The following PXT1 variants were observed in gnomAD, a reference collection of about 807,000 sequenced individuals.
PXT1 encodes peroxisomal testis enriched protein 1, also known as peroxisomal testis-specific protein 1.
PXT1 carries 11 observed loss-of-function variants against 11.0 expected under a neutral mutation model. That is an observed-to-expected ratio of 1.00 (90% CI 0.63 to 1.66). PXT1 has a LOEUF of 1.66. PXT1 is among the 40% of genes most tolerant of loss of function. The probability of loss-of-function intolerance (pLI) is 0.00; values close to 1 mark genes in which losing one functional copy is unlikely to be tolerated. For synonymous variants in PXT1, 43 were observed against 51.4 expected, an observed-to-expected ratio of 0.84 and a Z score of 0.70; for missense variants, 141 against 155.5, an observed-to-expected ratio of 0.91 and a Z score of 0.49.
At chr6:36,394,979 A>T (rs1006132058) in intron 4 of PXT1, among the ~76,000 whole-genome samples, 2 of 151,912 alleles carry the variant, frequency 1.3e-5, no homozygotes, top group Non-Finnish European at 2.9e-5. Context: ...TTTTTTAAAA[A>T]TTGTTTTGTA....
At chr6:36,413,735 G>A (rs1004856897) in intron 3 of PXT1, among the ~76,000 whole-genome samples, 5 of 152,210 alleles carry the variant, frequency 3.3e-5, no homozygotes, top group Non-Finnish European at 7.3e-5. Context: ...AGTGGCTCAC[G>A]CCTGTAATCC....
chr6:36,405,536 G>A (rs186218758), intron 3 of PXT1, among the ~76,000 whole-genome samples: 13 of 152,212 alleles, frequency 8.5e-5, no homozygotes, highest in Admixed American at 5.2e-4. Flanking sequence ...GTGCCACCAC[G>A]CCTGGCTTTT....
At chr6:36,441,457 G>A (rs1561937142) in intron 1 of PXT1, among the ~76,000 whole-genome samples, 2 of 152,180 alleles carry the variant, frequency 1.3e-5, no homozygotes, top group Non-Finnish European at 2.9e-5. Context: ...CTGGTGACTA[G>A]TTCAGGACAG....
intron 4 of PXT1, among the ~76,000 whole-genome samples, chr6:36,395,737 C>T (rs7765868): frequency 0.49 from 73,798 of 151,838 alleles, 18,226 homozygotes; most frequent in Middle Eastern, 0.58. Flanking sequence ...CGGTGGCTCA[C>T]GCCTGTAATC....
At chr6:36,413,115 A>G (rs571013735) in intron 3 of PXT1, among the ~76,000 whole-genome samples, 28 of 152,180 alleles carry the variant, frequency 1.8e-4, no homozygotes, top group Non-Finnish European at 3.2e-4. Context: ...AAAGGGCACA[A>G]ACATTCATAT....
At chr6:36,406,106 C>T (rs1582253154) in intron 3 of PXT1, among the ~76,000 whole-genome samples, 1 of 152,206 alleles carries the variant, frequency 6.6e-6, no homozygotes, top group African/African-American at 2.4e-5. Flanking sequence ...ACTTAAGGTC[C>T]TTGTTTTAAA....
intron 3 of PXT1, among the ~76,000 whole-genome samples, chr6:36,408,762 T>C (rs929619448): frequency 9.3e-5 from 14 of 150,418 alleles, no homozygotes; most frequent in Non-Finnish European, 1.9e-4. Context: ...GTGCCTGTAG[T>C]CCCAGCTACT....
chr6:36,406,403 G>T (rs1774292503), intron 3 of PXT1, among the ~76,000 whole-genome samples: 1 of 152,112 alleles, frequency 6.6e-6, no homozygotes, highest in Admixed American at 6.5e-5. Flanking sequence ...GACTATGTTG[G>T]GGCCATGATG....
intron 3 of PXT1, among the ~76,000 whole-genome samples, chr6:36,424,620 C>T (rs914677839): frequency 6.6e-6 from 1 of 152,158 alleles, no homozygotes; most frequent in Admixed American, 6.5e-5. Flanking sequence ...GCCTGGGTGA[C>T]AGTGCGAGAC....
chr6:36,392,146 G>A (rs1013034959), intron 4 of PXT1, among the ~76,000 whole-genome samples: 3 of 151,992 alleles, frequency 2.0e-5, no homozygotes, highest in Admixed American at 2.0e-4. Flanking sequence ...TCCCACCTCG[G>A]CCTCCCCAGT....
intron 4 of PXT1, among the ~76,000 whole-genome samples, chr6:36,398,668 G>A (rs1457696435): frequency 1.3e-5 from 2 of 152,110 alleles, no homozygotes; most frequent in Non-Finnish European, 2.9e-5. Flanking sequence ...TCCAGAATAG[G>A]CAAATCCACA....
intron 3 of PXT1, among the ~76,000 whole-genome samples, chr6:36,404,714 T>C (rs970608744): frequency 1.3e-5 from 2 of 151,908 alleles, no homozygotes; most frequent in African/African-American, 2.4e-5. Context: ...TCCCAGCACT[T>C]TGGGAGGCCA....
intron 3 of PXT1, among the ~76,000 whole-genome samples, chr6:36,407,474 T>C (rs191802745): frequency 3.3e-5 from 5 of 152,328 alleles, no homozygotes; most frequent in Admixed American, 2.0e-4. Context: ...TAATATTTGT[T>C]ACTGAAAAGT....
chr6:36,433,577 T>TG (rs1774722919), intron 2 of PXT1, among the ~76,000 whole-genome samples: 1 of 151,764 alleles, frequency 6.6e-6, no homozygotes, highest in South Asian at 2.1e-4. Context: ...CCCAGCATTT[T>TG]GGGAGGCCGA....
rs1582241156 is a variant in PXT1 at position 36,391,656 on chromosome 6, G to A, written c.*114C>T. The A allele has an allele frequency of 3.9e-6, 3 of 778,864 alleles. No homozygotes were observed. Among genetic ancestry groups the A allele is most frequent in the Non-Finnish European group, 6.8e-6 (3 of 444,338 alleles). 48.2% of individuals were successfully genotyped at this position (778,864 alleles called of 1,614,324 possible). A position where few individuals can be genotyped will look rare whatever the true frequency, so the allele number is the denominator to read the frequency against. On this transcript the variant is annotated 3_prime_UTR_variant, in exon 5 of 5. Transcript: ENST00000454782. ...ACTGGGTGTAGACCAACAGTGATGG[G>A]TACAAAAAGAGGGAGACGGAGAAGG...
intron 1 of PXT1, 109 bp from the exon 2 acceptor site, chr6:36,438,995 T>C (rs545726130): frequency 6.6e-6 from 1 of 151,304 alleles, no homozygotes; most frequent in South Asian, 2.1e-4. Flanking sequence ...GGTGGCTCAG[T>C]GGGTTATTGG....
intron 3 of PXT1, among the ~76,000 whole-genome samples, chr6:36,417,341 C>T (rs868702845): frequency 2.6e-5 from 4 of 151,726 alleles, no homozygotes; most frequent in African/African-American, 4.8e-5. Flanking sequence ...AGCAAGACTC[C>T]GTCTCAAAAT....
intron 2 of PXT1, among the ~76,000 whole-genome samples, chr6:36,434,580 C>T (rs1774736685): frequency 6.6e-6 from 1 of 152,158 alleles, no homozygotes; most frequent in South Asian, 2.1e-4. Flanking sequence ...CTGAAATTCT[C>T]CTTAGTTTTG....
intron 4 of PXT1, among the ~76,000 whole-genome samples, chr6:36,395,800 G>A (rs1774135978): frequency 1.3e-5 from 2 of 152,060 alleles, no homozygotes; most frequent in South Asian, 4.1e-4. Flanking sequence ...AGGAGTTTGA[G>A]ACCAGGCTGG....
Sources: allele counts gnomAD v4.1 joint callset (sites outside exome capture counted in the v4.1 genomes callset), GRCh38; gene constraint gnomAD v4.1.1; transcripts MANE v1.5; gene names NCBI Gene and HGNC (gene_info 2026-07-23, HGNC 2026-07-21).